The following UBE3D variants were observed in gnomAD, a reference collection of about 807,000 sequenced individuals.
UBE3D encodes ubiquitin protein ligase E3D, also known as E3 ubiquitin-protein ligase E3D.
UBE3D carries 48 observed loss-of-function variants against 49.6 expected under a neutral mutation model. That is an observed-to-expected ratio of 0.97 (90% CI 0.77 to 1.23). The LOEUF (loss-of-function observed/expected upper bound fraction) is 1.23. UBE3D is among the 50% of genes most tolerant of loss of function. The probability of loss-of-function intolerance (pLI) is 0.00; values close to 1 mark genes in which losing one functional copy is unlikely to be tolerated. For synonymous variants in UBE3D, 189 were observed against 174.2 expected, an observed-to-expected ratio of 1.08 and a Z score of -0.67; for missense variants, 452 against 468.4, an observed-to-expected ratio of 0.96 and a Z score of 0.32.
chr6:82,913,174 G>C (rs1772652917), intron 9 of UBE3D, among the ~76,000 whole-genome samples: 1 of 152,160 alleles, frequency 6.6e-6, no homozygotes. Flanking sequence ...GTTTCCTCAT[G>C]TGAAAAACAG....
chr6:82,947,676 A>T (rs1377568124), intron 9 of UBE3D, among the ~76,000 whole-genome samples: 2 of 152,028 alleles, frequency 1.3e-5, no homozygotes, highest in Non-Finnish European at 2.9e-5. Flanking sequence ...ATCTTCTCTG[A>T]CCACAATGGA....
chr6:82,919,226 G>T (rs1439081387), intron 9 of UBE3D, among the ~76,000 whole-genome samples: 2 of 152,014 alleles, frequency 1.3e-5, no homozygotes. Flanking sequence ...GACTTCTTGG[G>T]ATGTAAGTAT....
chr6:82,924,012 C>A (rs1020624138), intron 9 of UBE3D, among the ~76,000 whole-genome samples: 5 of 151,130 alleles, frequency 3.3e-5, no homozygotes, highest in African/African-American at 9.7e-5. Context: ...TGTACCTGGT[C>A]CTTCAAAATG....
At chr6:82,900,100 G>A (rs931400280) in intron 9 of UBE3D, among the ~76,000 whole-genome samples, 7 of 152,144 alleles carry the variant, frequency 4.6e-5, no homozygotes, top group African/African-American at 1.7e-4. Context: ...CCTGCAGAAG[G>A]GAACAGTGGC....
chr6:82,930,457 A>C (rs1256690856), intron 9 of UBE3D, among the ~76,000 whole-genome samples: 2 of 152,192 alleles, frequency 1.3e-5, no homozygotes, highest in African/African-American at 2.4e-5. Flanking sequence ...AGAAGAAGAT[A>C]GGAAAATGTG....
chr6:82,901,092 A>G (rs1361939334), intron 9 of UBE3D, among the ~76,000 whole-genome samples: 1 of 152,146 alleles, frequency 6.6e-6, no homozygotes, highest in Non-Finnish European at 1.5e-5. Flanking sequence ...TACTATTAAC[A>G]TTTTGGATAT....
intron 5 of UBE3D, among the ~76,000 whole-genome samples, chr6:83,032,934 T>C (rs891793873): frequency 3.3e-5 from 5 of 152,222 alleles, no homozygotes; most frequent in African/African-American, 1.2e-4. Context: ...AGTCATGTGA[T>C]ACTGTGAGTC....
chr6:82,937,274 T>C lies in UBE3D; in HGVS notation c.1149+20038A>G, dbSNP rs144174837. Among the ~76,000 whole-genome samples the C allele has an allele frequency of 6.1e-3, 930 of 152,176 alleles. 12 individuals are homozygous for C. Among genetic ancestry groups the C allele is most frequent in the African/African-American group, 0.021 (876 of 41,506 alleles). ...GTTTCACCTTCCAAACTACATTCCC[T>C]TGAAGGCTGACATCCTCCCCAGGCT... On this transcript the variant is annotated intron_variant, in intron 9 of 9. Transcript: ENST00000369747.
At chr6:83,061,207 AC>A (rs1784148047) in intron 1 of UBE3D, among the ~76,000 whole-genome samples, 1 of 152,238 alleles carries the variant, frequency 6.6e-6, no homozygotes, top group African/African-American at 2.4e-5. Context: ...AAATGATTGT[AC>A]TATCATCTTG....
chr6:83,049,301 C>T (rs1353000530), intron 3 of UBE3D, among the ~76,000 whole-genome samples: 1 of 148,454 alleles, frequency 6.7e-6, no homozygotes, highest in Non-Finnish European at 1.5e-5. Flanking sequence ...ATATTAGTAA[C>T]ATCAACTATC....
At chr6:82,916,512 T>C (rs979545592) in intron 9 of UBE3D, among the ~76,000 whole-genome samples, 1 of 152,206 alleles carries the variant, frequency 6.6e-6, no homozygotes, top group African/African-American at 2.4e-5. Context: ...CATTAATAAC[T>C]GGTAAATTAT....
At chr6:83,028,830 A>G (rs957248669) in intron 5 of UBE3D, among the ~76,000 whole-genome samples, 8 of 151,976 alleles carry the variant, frequency 5.3e-5, no homozygotes, top group Non-Finnish European at 7.4e-5. Context: ...CCATGTATTT[A>G]TTTGGAAACA....
chr6:82,898,350 A>T (rs1379452515), intron 9 of UBE3D, among the ~76,000 whole-genome samples: 1 of 152,230 alleles, frequency 6.6e-6, no homozygotes, highest in South Asian at 2.1e-4. Flanking sequence ...AGGACTATAA[A>T]TCATTCTACT....
chr6:82,900,401 C>T (rs761641100), intron 9 of UBE3D, among the ~76,000 whole-genome samples: 2 of 152,204 alleles, frequency 1.3e-5, no homozygotes, highest in Non-Finnish European at 1.5e-5. Context: ...ATCAGTACAA[C>T]TGGAAATCCT....
At chr6:83,019,201 T>G in intron 7 of UBE3D, 65 bp from the exon 8 acceptor site, 2 of 1,414,656 alleles carry the variant, frequency 1.4e-6, no homozygotes, top group Non-Finnish European at 1.9e-6. Flanking sequence ...CTTATGACTT[T>G]TCAAAAACAA....
intron 8 of UBE3D, among the ~76,000 whole-genome samples, chr6:82,980,129 T>C (rs1044116812): frequency 2.0e-5 from 3 of 152,268 alleles, no homozygotes; most frequent in East Asian, 3.9e-4. Flanking sequence ...GATTGCTAGA[T>C]TGAATGGTAG....
chr6:82,956,987 G>A (rs1340280549), intron 9 of UBE3D, among the ~76,000 whole-genome samples: 1 of 152,020 alleles, frequency 6.6e-6, no homozygotes. Context: ...AATTTAGCCA[G>A]GTGTGGTGGC....
chr6:82,955,793 G>T lies in UBE3D; in HGVS notation c.1149+1519C>A, dbSNP rs113826717. ...GTGGCAGATGGAGTAATCCTGGTGAGTGAGTCCAGTTTGGTCTCTGACCCA... is the reference window on the plus strand; with the variant it reads ...GTGGCAGATGGAGTAATCCTGGTGATTGAGTCCAGTTTGGTCTCTGACCCA... On this transcript the variant is annotated intron_variant, in intron 9 of 9. Coordinates refer to ENST00000369747, the MANE Select transcript of UBE3D (RefSeq NM_198920.3). 4.7e-3 allele frequency among the ~76,000 whole-genome samples: 722 copies of T among 152,312 alleles called. 10 individuals carry two copies. Among genetic ancestry groups the T allele is most frequent in the African/African-American group, 0.016 (675 of 41,578 alleles).
intron 8 of UBE3D, among the ~76,000 whole-genome samples, chr6:82,971,585 T>TGAG (rs1777354618): frequency 6.6e-6 from 1 of 152,080 alleles, no homozygotes; most frequent in South Asian, 2.1e-4. Flanking sequence ...GGATTAAAGA[T>TGAG]GTTTTCTTTT....
Sources: gnomAD v4.1 joint callset for allele counts (sites outside exome capture counted in the v4.1 genomes callset) on GRCh38, gnomAD v4.1.1 for gene constraint, MANE v1.5 for transcripts, NCBI Gene and HGNC (gene_info 2026-07-23, HGNC 2026-07-21) for gene names.